GBE1: variants seen among roughly 807,000 people sequenced by gnomAD.
The protein encoded by GBE1 is 1,4-alpha-glucan branching enzyme 1.
Under a neutral mutation model 88.8 loss-of-function variants are expected in GBE1, and 70 were observed. The observed-to-expected ratio is 0.79, with a 90% CI of 0.65 to 0.96. GBE1 has a LOEUF of 0.96. Ranked by LOEUF, GBE1 falls within the 40% of genes least tolerant of loss-of-function variation. The pLI is 0.00. For synonymous variants in GBE1, 284 were observed against 300.1 expected, an observed-to-expected ratio of 0.95 and a Z score of 0.56; for missense variants, 872 against 871.0, an observed-to-expected ratio of 1.00 and a Z score of -0.01.
chr3:81,656,671 G>A (rs1482429134), intron 3 of GBE1, among the ~76,000 whole-genome samples: 3 of 152,252 alleles, frequency 2.0e-5, no homozygotes, highest in Middle Eastern at 6.8e-3. Flanking sequence ...AAAGATATAA[G>A]TTATCTTCAT....
chr3:81,687,439 G>A (rs1327210743), intron 2 of GBE1, among the ~76,000 whole-genome samples: 1 of 152,180 alleles, frequency 6.6e-6, no homozygotes, highest in Non-Finnish European at 1.5e-5. Context: ...TTAAGAAAAT[G>A]ATTGGGAAGT....
chr3:81,622,345 T>A (rs1322003417), intron 7 of GBE1, among the ~76,000 whole-genome samples: 1 of 152,240 alleles, frequency 6.6e-6, no homozygotes, highest in Non-Finnish European at 1.5e-5. Flanking sequence ...AACATGCTTA[T>A]TTAAATAGGT....
intron 14 of GBE1, among the ~76,000 whole-genome samples, chr3:81,530,703 A>G (rs1004832637): frequency 6.6e-6 from 1 of 151,888 alleles, no homozygotes; most frequent in Non-Finnish European, 1.5e-5. Context: ...GCTGCCTGGA[A>G]TTGGAGGAAG....
Position 81,520,696 on chromosome 3 carries a change from T to C in GBE1, c.1934+14499A>G, listed in dbSNP as rs190339724. Among the ~76,000 whole-genome samples the C allele has an allele frequency of 5.9e-5, 9 of 151,764 alleles. No homozygotes were observed. In the East Asian group the frequency reaches 1.7e-3, roughly 29 times the overall value. The stretch of plus-strand genomic sequence containing the variant: ...ATTTTATCTTTCTAAGCATGAAATA[T>C]GAAACCTGCCTATTTATTAAGTACA... On this transcript the variant is annotated intron_variant, in intron 14 of 15. Transcript: ENST00000429644.
intron 12 of GBE1, among the ~76,000 whole-genome samples, chr3:81,556,054 C>G (rs1266337408): frequency 6.6e-6 from 1 of 152,082 alleles, no homozygotes; most frequent in East Asian, 1.9e-4. Flanking sequence ...TTACTTTGTA[C>G]AGTGAGATGT....
chr3:81,749,569 G>A (rs1333510088), intron 1 of GBE1, among the ~76,000 whole-genome samples: 1 of 152,186 alleles, frequency 6.6e-6, no homozygotes, highest in Non-Finnish European at 1.5e-5. Context: ...ATATACACAT[G>A]TGATAAAATT....
chr3:81,668,376 A>C (rs771741192), intron 3 of GBE1, among the ~76,000 whole-genome samples: 21 of 152,216 alleles, frequency 1.4e-4, no homozygotes, highest in Non-Finnish European at 2.5e-4. Context: ...TATATTAATC[A>C]AAAATAATAA....
chr3:81,626,621 C>T (rs1394991547), intron 7 of GBE1, among the ~76,000 whole-genome samples: 2 of 151,776 alleles, frequency 1.3e-5, no homozygotes, highest in African/African-American at 2.4e-5. Context: ...TGCACAACAG[C>T]CCCAGTGCAT....
intron 3 of GBE1, among the ~76,000 whole-genome samples, chr3:81,662,511 T>C (rs1227111212): frequency 1.3e-5 from 2 of 152,132 alleles, no homozygotes; most frequent in African/African-American, 4.8e-5. Context: ...AAGTTTCCAC[T>C]ATACTTGGGA....
At chr3:81,697,146 T>C (rs967688311) in intron 2 of GBE1, among the ~76,000 whole-genome samples, 15 of 152,200 alleles carry the variant, frequency 9.9e-5, no homozygotes, top group Non-Finnish European at 1.9e-4. Context: ...GGGATTCCCA[T>C]GGTCCCCTCT....
At chr3:81,750,623 A>ATGTG (rs1706505076) in intron 1 of GBE1, among the ~76,000 whole-genome samples, 1 of 66,026 alleles carries the variant, frequency 1.5e-5, no homozygotes, top group Non-Finnish European at 2.5e-5. Context: ...ATATGTATAT[A>ATGTG]TATATACGTA....
intron 12 of GBE1, among the ~76,000 whole-genome samples, chr3:81,542,571 T>C (rs1240953643): frequency 6.6e-6 from 1 of 152,112 alleles, no homozygotes; most frequent in African/African-American, 2.4e-5. Context: ...TTTTTCATCA[T>C]GTATATTTAA....
chr3:81,721,734 C>T (rs1706038676), intron 1 of GBE1, among the ~76,000 whole-genome samples: 2 of 152,066 alleles, frequency 1.3e-5, no homozygotes, highest in Non-Finnish European at 2.9e-5. Context: ...AGAGCTAGAA[C>T]AAATGTTTCT....
At chr3:81,492,518 A>G (rs1383844336) in intron 15 of GBE1, among the ~76,000 whole-genome samples, 3 of 151,882 alleles carry the variant, frequency 2.0e-5, no homozygotes, top group African/African-American at 7.3e-5. Flanking sequence ...CCCTCCCTAC[A>G]TCTTAGCAAA....
intron 3 of GBE1, among the ~76,000 whole-genome samples, chr3:81,663,142 G>A (rs556407038): frequency 9.8e-4 from 149 of 152,254 alleles, no homozygotes; most frequent in Non-Finnish European, 5.3e-4. Flanking sequence ...AGAGAAAGCT[G>A]GGTCCCTGGC....
At chr3:81,743,397 G>T (rs182749136) in intron 1 of GBE1, among the ~76,000 whole-genome samples, 65 of 152,024 alleles carry the variant, frequency 4.3e-4, no homozygotes, top group Admixed American at 8.5e-4. Context: ...ATGAAGAAAA[G>T]AATATAAAAA....
intron 12 of GBE1, among the ~76,000 whole-genome samples, chr3:81,543,815 T>C (rs1703171156): frequency 6.6e-6 from 1 of 152,128 alleles, no homozygotes; most frequent in Non-Finnish European, 1.5e-5. Context: ...CATAGATGAC[T>C]TGACAGAATG....
intron 7 of GBE1, among the ~76,000 whole-genome samples, chr3:81,615,492 G>A (rs1043082291): frequency 2.6e-5 from 4 of 152,260 alleles, no homozygotes; most frequent in South Asian, 4.2e-4. Context: ...CCATTTCTTT[G>A]TCACTACAAG....
At chr3:81,568,065 C>A (rs903636518) in intron 12 of GBE1, among the ~76,000 whole-genome samples, 1 of 152,158 alleles carries the variant, frequency 6.6e-6, no homozygotes. Context: ...CATTCTGTAA[C>A]CTCTCTTTAG....
Sources: allele counts gnomAD v4.1 joint callset (sites outside exome capture counted in the v4.1 genomes callset), GRCh38; gene constraint gnomAD v4.1.1; transcripts MANE v1.5; gene names NCBI Gene and HGNC (gene_info 2026-07-23, HGNC 2026-07-21).